PLCB4: variants seen among roughly 807,000 people sequenced by gnomAD.
PLCB4 encodes phospholipase C beta 4.
PLCB4 carries 77 observed loss-of-function variants against 178.8 expected under a neutral mutation model. That is an observed-to-expected ratio of 0.43 (90% CI 0.36 to 0.52). The LOEUF (loss-of-function observed/expected upper bound fraction) is 0.52. Among genes scored for constraint, PLCB4 ranks in the 20% least tolerant of loss-of-function variants. The probability of loss-of-function intolerance (pLI) is 0.00; values close to 1 mark genes in which losing one functional copy is unlikely to be tolerated. For synonymous variants in PLCB4, 496 were observed against 490.8 expected, an observed-to-expected ratio of 1.01 and a Z score of -0.14; for missense variants, 1,024 against 1,453.4, an observed-to-expected ratio of 0.70 and a Z score of 4.80.
chr20:9,265,841 G>C (rs1182834533), intron 3 of PLCB4, among the ~76,000 whole-genome samples: 7 of 152,206 alleles, frequency 4.6e-5, no homozygotes, highest in Non-Finnish European at 8.8e-5. Context: ...GCAAGCGGCA[G>C]CATGGTCATC....
intron 14 of PLCB4, among the ~76,000 whole-genome samples, chr20:9,386,317 C>A (rs1602285320): frequency 6.6e-6 from 1 of 151,898 alleles, no homozygotes; most frequent in Non-Finnish European, 1.5e-5. Context: ...TGTAAAAGTT[C>A]AAAAATTTAG....
intron 17 of PLCB4, among the ~76,000 whole-genome samples, chr20:9,391,560 A>G (rs978834390): frequency 1.3e-5 from 2 of 152,166 alleles, no homozygotes; most frequent in Non-Finnish European, 2.9e-5. Context: ...GGAACTGAAA[A>G]AAAATATGAG....
intron 14 of PLCB4, among the ~76,000 whole-genome samples, chr20:9,384,795 CTT>C (rs528218872): frequency 1.8e-4 from 24 of 131,014 alleles, no homozygotes; most frequent in Admixed American, 3.1e-4. Context: ...TGTAAATTAG[CTT>C]TTTTTTTTTT....
chr20:9,191,655 G>A (rs943658182), intron 2 of PLCB4, among the ~76,000 whole-genome samples: 6 of 151,900 alleles, frequency 3.9e-5, no homozygotes, highest in African/African-American at 1.2e-4. Context: ...CAGTTATATG[G>A]CAAATCAATG....
intron 24 of PLCB4, among the ~76,000 whole-genome samples, chr20:9,410,298 G>A (rs2039767331): frequency 6.6e-6 from 1 of 152,176 alleles, no homozygotes; most frequent in African/African-American, 2.4e-5. Flanking sequence ...GTTTCTAGCT[G>A]GGGCCCAGTA....
At chr20:9,336,527 C>T (rs1200046041) in intron 4 of PLCB4, among the ~76,000 whole-genome samples, 1 of 152,062 alleles carries the variant, frequency 6.6e-6, no homozygotes, top group Non-Finnish European at 1.5e-5. Context: ...TGGGTCACAT[C>T]CCCCCAGACT....
chr20:9,261,465 TG>T (rs1360514224), intron 3 of PLCB4, among the ~76,000 whole-genome samples: 3 of 152,194 alleles, frequency 2.0e-5, no homozygotes, highest in African/African-American at 4.8e-5. Flanking sequence ...TGCATATGAT[TG>T]TTTTTCTCAT....
At chr20:9,435,700 C>A in intron 29 of PLCB4, 52 bp downstream of exon 29, 1 of 1,023,996 alleles carries the variant, frequency 9.8e-7, no homozygotes, top group Non-Finnish European at 1.5e-6. Context: ...GTTTGATTAT[C>A]AAACAGTGTT....
intron 35 of PLCB4, among the ~76,000 whole-genome samples, chr20:9,461,632 C>T (rs78047883): frequency 0.013 from 1,941 of 152,336 alleles, 38 homozygotes; most frequent in African/African-American, 0.044. Context: ...GCAGGTTCCA[C>T]GCCCATGTAG....
At chr20:9,166,478 T>G (rs1294657392) in intron 2 of PLCB4, 1 of 152,204 alleles carries the variant, frequency 6.6e-6, no homozygotes, top group East Asian at 1.9e-4. Flanking sequence ...CCTCTCACTT[T>G]GTAGCGGAGG....
At chr20:9,179,751 T>C (rs1178553804) in intron 2 of PLCB4, among the ~76,000 whole-genome samples, 1 of 152,210 alleles carries the variant, frequency 6.6e-6, no homozygotes, top group Non-Finnish European at 1.5e-5. Context: ...AAAGCTGTTA[T>C]GAAGGAACAT....
intron 33 of PLCB4, among the ~76,000 whole-genome samples, chr20:9,456,802 G>A (rs1021363166): frequency 1.3e-4 from 20 of 152,198 alleles, no homozygotes; most frequent in African/African-American, 4.6e-4. Context: ...ATAACCTAGA[G>A]TATACATGCT....
intron 3 of PLCB4, among the ~76,000 whole-genome samples, chr20:9,304,139 A>G (rs1174832523): frequency 6.7e-6 from 1 of 148,196 alleles, no homozygotes; most frequent in African/African-American, 2.5e-5. Context: ...CATATTACAT[A>G]TCTAGGTTTT....
intron 3 of PLCB4, among the ~76,000 whole-genome samples, chr20:9,286,441 G>A (rs2094537239): frequency 6.6e-6 from 1 of 151,958 alleles, no homozygotes; most frequent in South Asian, 2.1e-4. Context: ...TCTGGCTTCT[G>A]GTTTTACTTC....
intron 2 of PLCB4, among the ~76,000 whole-genome samples, chr20:9,169,660 C>T (rs899962626): frequency 6.6e-6 from 1 of 151,972 alleles, no homozygotes; most frequent in African/African-American, 2.4e-5. Flanking sequence ...GTGAATTGAA[C>T]TCCTGAAGGG....
intron 39 of PLCB4, among the ~76,000 whole-genome samples, chr20:9,478,452 C>T (rs1000051425): frequency 1.2e-4 from 19 of 152,154 alleles, no homozygotes; most frequent in African/African-American, 4.3e-4. Flanking sequence ...TAGGGAATTA[C>T]TTTTAACTAA....
intron 35 of PLCB4, among the ~76,000 whole-genome samples, chr20:9,462,821 G>A (rs2043492116): frequency 6.6e-6 from 1 of 152,160 alleles, no homozygotes; most frequent in Admixed American, 6.5e-5. Flanking sequence ...GGGGAGAATG[G>A]AACCAAGTTG....
intron 2 of PLCB4, among the ~76,000 whole-genome samples, chr20:9,189,904 C>T (rs576170940): frequency 4.5e-4 from 68 of 152,158 alleles, no homozygotes; most frequent in Non-Finnish European, 8.2e-4. Context: ...TACTGTTACA[C>T]TAGGGATTAG....
intron 25 of PLCB4, among the ~76,000 whole-genome samples, chr20:9,414,312 G>C (rs1329217978): frequency 6.6e-6 from 1 of 152,162 alleles, no homozygotes; most frequent in African/African-American, 2.4e-5. Flanking sequence ...TCAGTGACAG[G>C]GAAAAGAGAA....
Sources: allele counts gnomAD v4.1 joint callset (sites outside exome capture counted in the v4.1 genomes callset), GRCh38; gene constraint gnomAD v4.1.1; transcripts MANE v1.5; gene names NCBI Gene and HGNC (gene_info 2026-07-23, HGNC 2026-07-21).